The following PNPLA5 variants were observed in gnomAD, a reference collection of about 807,000 sequenced individuals.
PNPLA5 encodes patatin like domain 5, triacylglycerol lipase.
A neutral mutation model predicts 49.1 loss-of-function variants in PNPLA5; 44 were observed. The observed-to-expected ratio is 0.90, with a 90% CI of 0.70 to 1.15. PNPLA5 has a LOEUF of 1.15. Ranked by LOEUF, PNPLA5 falls within the 50% of genes most tolerant of loss-of-function variation. The probability of loss-of-function intolerance (pLI) is 0.00; values close to 1 mark genes in which losing one functional copy is unlikely to be tolerated. For synonymous variants in PNPLA5, 243 were observed against 244.4 expected (o/e 0.99, Z 0.06); for missense variants, 603 against 564.0 (o/e 1.07, Z -0.70).
rs764772499 is a variant in PNPLA5, at chr22:43,891,218, G to T, written c.270C>A (p.Tyr90Ter). ...RLSLSILHPA[Y>*]APIEHVKQQL... ...GCTGCTTGACGTGCTCGATGGGCGC[G>T]TAGGCCGGGTGCAGGATGCTTAGGC... The change falls in exon 2 of 9, where the codon TAC becomes TAA. Residue 90 changes from tyrosine to a stop codon, truncating the protein, a stop_gained. Coordinates refer to ENST00000216177, the MANE Select transcript of PNPLA5 (RefSeq NM_138814.4). LOFTEE classifies it high-confidence loss of function. 6.3e-7 allele frequency: 1 copy of T among 1,576,724 alleles called. No individual in the cohort carries two copies. Among genetic ancestry groups the T allele is most frequent in the Non-Finnish European group, 8.6e-7 (1 of 1,157,816 alleles).
In PNPLA5 at chr22:43,889,548, G is replaced by A. The variant is rs62226145; in HGVS notation, c.493-10C>T. Reference sequence around the variant, plus strand: ...CCCCATCGATGTAGCGCTGCAATTTGTGGGGAGCAGGTGGGTGGTGCTGCC... The same window carrying A: ...CCCCATCGATGTAGCGCTGCAATTTATGGGGAGCAGGTGGGTGGTGCTGCC... On this transcript the variant is annotated splice_polypyrimidine_tract_variant and intron_variant, in intron 3 of 8. Coordinates refer to ENST00000216177, the MANE Select transcript of PNPLA5 (RefSeq NM_138814.4). 0.095 allele frequency: 151,433 copies of A among 1,593,844 alleles called. 7,746 individuals carry two copies. The highest frequency in any genetic ancestry group is 0.11 in the Admixed American group (6,741 of 58,822).
intron 8 of PNPLA5, 42 bp from the exon 9 acceptor site, chr22:43,880,927 G>T: frequency 7.7e-7 from 1 of 1,305,816 alleles, no homozygotes; most frequent in East Asian, 2.8e-5. Flanking sequence ...CCTGGGGCTC[G>T]GGAAGGGTAG....
chr22:43,891,045 C>G lies in PNPLA5; in HGVS notation c.426+17G>C, dbSNP rs1036433809. The G allele has an allele frequency of 6.3e-7, 1 of 1,597,266 alleles. No individual in the cohort carries two copies. Among genetic ancestry groups the G allele is most frequent in the African/African-American group, 1.3e-5 (1 of 74,980 alleles). ...GCCCGCCCACCAGCCAAGCCCTGGG[C>G]ACCCCCCGCCCCACACCTGGATGAG... On this transcript the variant is annotated intron_variant, in intron 2 of 8. Transcript: ENST00000216177.
chr22:43,891,047 C>A lies in PNPLA5; in HGVS notation c.426+15G>T, dbSNP rs896974730. On this transcript the variant is annotated intron_variant, in intron 2 of 8. Coordinates refer to ENST00000216177, the MANE Select transcript of PNPLA5 (RefSeq NM_138814.4). The stretch of plus-strand genomic sequence containing the variant: ...CCGCCCACCAGCCAAGCCCTGGGCA[C>A]CCCCCGCCCCACACCTGGATGAGCT... 5.6e-6 allele frequency: 9 copies of A among 1,596,436 alleles called. No homozygotes were observed. The highest frequency in any genetic ancestry group is 7.7e-6 in the Non-Finnish European group (9 of 1,173,308).
At position 43,880,769 on chromosome 22, in the gene PNPLA5, C is replaced by T; in HGVS notation, c.*26G>A. On this transcript the variant is annotated 3_prime_UTR_variant, in exon 9 of 9. Coordinates refer to ENST00000216177, the MANE Select transcript of PNPLA5 (RefSeq NM_138814.4). ...AGAGCAGGAATCAAGGGACACCAGT[C>T]ACTGGGCTGGCCCTGCTCGGCCCCC... is the stretch of plus-strand genomic sequence containing the variant. 7.6e-7 allele frequency: 1 copy of T among 1,313,448 alleles called. No homozygotes were observed. Among genetic ancestry groups the T allele is most frequent in the Non-Finnish European group, 9.7e-7 (1 of 1,026,054 alleles). The allele number at this position is 1,313,448 out of a possible 1,614,324, so 81.4% of individuals were successfully genotyped here.
chr22:43,884,074 A>T, intron 7 of PNPLA5, 139 bp downstream of exon 7: 1 of 723,592 alleles, frequency 1.4e-6, no homozygotes, highest in Non-Finnish European at 2.2e-6. Flanking sequence ...AGTCAACACC[A>T]CACAGTGTGG....
chr22:43,886,341 A>T lies in PNPLA5; in HGVS notation c.911T>A (p.Val304Glu), dbSNP rs1173710420. ...TGGTGAGAGCTGCTCAAAGTTGGGTACATCCTTGACTTGCACATGGGGCAC... is the reference window on the plus strand; with the variant it reads ...TGGTGAGAGCTGCTCAAAGTTGGGTTCATCCTTGACTTGCACATGGGGCAC... ...WKVPHVQVKD[V>E]PNFEQLSPEL... The change falls in exon 6 of 9, where the codon GTA becomes GAA. Residue 304 changes from valine (V) to glutamate (E), a missense_variant. By Grantham distance (121) the Val-to-Glu change is moderately radical (BLOSUM62 -2). Transcript: ENST00000216177. The T allele has an allele frequency of 4.3e-6, 7 of 1,614,082 alleles. No homozygotes were observed. Among genetic ancestry groups the T allele is most frequent in the South Asian group, 1.1e-5 (1 of 91,072 alleles).
rs1267151255 is a variant in PNPLA5 at position 43,889,262 on chromosome 22, C to T, written c.702+67G>A. ...GGGGGCAGTGGGGGTTAGGAGCACA[C>T]AGAGTCTGACTCACGGGGCCCTTGA... is the stretch of plus-strand genomic sequence containing the variant. On this transcript the variant is annotated intron_variant, in intron 4 of 8. Transcript: ENST00000216177. 1.0e-5 allele frequency: 16 copies of T among 1,566,326 alleles called. No individual in the cohort carries two copies. In the Admixed American group the frequency reaches 2.5e-4, roughly 25 times the overall value.
rs200304032 is a variant in PNPLA5, at chr22:43,889,468, G to A, written c.563C>T (p.Pro188Leu). Reference protein sequence around the residue: ...ADCPSTITVSPFHGTVDICPQ... With the variant: ...ADCPSTITVSLFHGTVDICPQ... ...GCAGATGTCCACTGTCCCATGGAAG[G>A]GCGACACCGTGATGGTGGAGGGGCA... is the stretch of plus-strand genomic sequence containing the variant. Residue 188 changes from proline (P) to leucine (L), a missense_variant, in exon 4 of 9, where the codon CCC (proline) becomes CTC (leucine). By Grantham distance (98) the Pro-to-Leu change is moderately conservative. Transcript: ENST00000216177. 62 of 1,614,090 alleles carry A rather than the reference G, an allele frequency of 3.8e-5. No homozygotes were observed. The East Asian group carries it at 1.3e-3, about 33-fold the overall frequency.
chr22:43,882,138 G>C (rs2049616876), intron 7 of PNPLA5, among the ~76,000 whole-genome samples: 1 of 151,990 alleles, frequency 6.6e-6, no homozygotes, highest in African/African-American at 2.4e-5. Context: ...GCTAGCCCCT[G>C]CCCTCCCTAC....
intron 5 of PNPLA5, among the ~76,000 whole-genome samples, chr22:43,887,379 C>G (rs146578967): frequency 7.4e-4 from 113 of 152,296 alleles, no homozygotes; most frequent in African/African-American, 2.7e-3. Flanking sequence ...CTGAGTCTGT[C>G]CCCCTGTACC....
In PNPLA5 at chr22:43,880,715, G is replaced by T; in HGVS notation, c.*80C>A. 8.3e-7 allele frequency: 1 copy of T among 1,209,008 alleles called. No individual in the cohort carries two copies. The highest frequency in any genetic ancestry group is 1.0e-6 in the Non-Finnish European group (1 of 956,406). The allele number at this position is 1,209,008 out of a possible 1,614,324, so 74.9% of individuals were successfully genotyped here. ...GATTGGCAGGGCCTCTTCCCGCTGG[G>T]GCAGATGTGGGCACACAGGACAAAG... On this transcript the variant is annotated 3_prime_UTR_variant, in exon 9 of 9. Transcript: ENST00000216177.
chr22:43,891,678 C>G lies in PNPLA5; in HGVS notation c.193+10G>C, dbSNP rs1405975990. The stretch of plus-strand genomic sequence containing the variant: ...CCCGCCCCTTTTCGCCCCCGCGGTC[C>G]GGGACTCACCGACCGACTTGCCGCA... On this transcript the variant is annotated intron_variant, in intron 1 of 8. Transcript: ENST00000216177. 2.9e-5 allele frequency: 44 copies of G among 1,543,242 alleles called. No individual in the cohort carries two copies. The Admixed American group carries it at 8.6e-4, about 30-fold the overall frequency.
chr22:43,886,265 G>A, intron 6 of PNPLA5, 38 bp downstream of exon 6: 1 of 1,581,856 alleles, frequency 6.3e-7, no homozygotes, highest in Non-Finnish European at 8.6e-7. Flanking sequence ...CTGAGTGCAG[G>A]GCCCTGGTAG....
rs191478232 is a variant in PNPLA5, at chr22:43,879,701, T to G, written c.*1094A>C. The stretch of plus-strand genomic sequence containing the variant: ...AATGAGTGGCTTATTGTCTCTTTAT[T>G]TATTTAGAGACAGGGGCTCACTTTG... On this transcript the variant is annotated 3_prime_UTR_variant, in exon 9 of 9. Transcript: ENST00000216177. 4.7e-4 allele frequency: 71 copies of G among 152,216 alleles called. No homozygotes were observed. Among genetic ancestry groups the G allele is most frequent in the African/African-American group, 1.7e-3 (71 of 41,502 alleles). 9.4% of individuals were successfully genotyped at this position (152,216 alleles called of 1,614,324 possible).
chr22:43,887,252 C>T (rs908900679), intron 5 of PNPLA5, among the ~76,000 whole-genome samples: 19 of 152,182 alleles, frequency 1.2e-4, no homozygotes, highest in African/African-American at 4.6e-4. Flanking sequence ...GTCACTGCCT[C>T]CAGGAAGCCC....
intron 7 of PNPLA5, 133 bp downstream of exon 7, chr22:43,884,080 T>A: frequency 1.3e-6 from 1 of 760,584 alleles, no homozygotes; most frequent in Non-Finnish European, 2.1e-6. Context: ...CACCACACAG[T>A]GTGGGGACAC....
chr22:43,884,853 A>G (rs16991104), intron 6 of PNPLA5, among the ~76,000 whole-genome samples: 75,469 of 152,152 alleles, frequency 0.5, 19,550 homozygotes, highest in East Asian at 0.94. Context: ...GGGCTGGGAC[A>G]GAGCCGGAGC....
rs936712007 is a variant in PNPLA5, at chr22:43,880,650, G to A, written c.*145C>T. On this transcript the variant is annotated 3_prime_UTR_variant, in exon 9 of 9. Coordinates refer to ENST00000216177, the MANE Select transcript of PNPLA5 (RefSeq NM_138814.4). ...GACCGGGGACATGCTGACAGGCTGC[G>A]CCCCAAGGAACGGGCTCCAAGCTGC... 13 of 762,342 alleles carry A rather than the reference G, an allele frequency of 1.7e-5. No individual in the cohort carries two copies. Among genetic ancestry groups the A allele is most frequent in the East Asian group, 1.0e-4 (3 of 29,648 alleles). The allele number at this position is 762,342 out of a possible 1,614,324, so 47.2% of individuals were successfully genotyped here.
Sources: allele counts gnomAD v4.1 joint callset (sites outside exome capture counted in the v4.1 genomes callset), GRCh38; gene constraint gnomAD v4.1.1; transcripts MANE v1.5; gene names NCBI Gene and HGNC (gene_info 2026-07-23, HGNC 2026-07-21).